Variants in MDFIC2 observed in about 807,000 individuals in gnomAD.
MDFIC2 encodes MyoD family inhibitor domain containing 2.
chr3:70,255,070 G>A (rs1189556464), intron 2 of MDFIC2, among the ~76,000 whole-genome samples: 3 of 152,110 alleles, frequency 2.0e-5, no homozygotes, highest in South Asian at 2.1e-4. Context: ...AGAGAGAAAC[G>A]CAGGTAAAAC....
intron 2 of MDFIC2, among the ~76,000 whole-genome samples, chr3:70,238,309 G>A (rs1481242328): frequency 6.6e-6 from 1 of 151,940 alleles, no homozygotes; most frequent in Admixed American, 6.6e-5. Context: ...TCTGCCATGT[G>A]TAAAAAGTCT....
intron 2 of MDFIC2, among the ~76,000 whole-genome samples, chr3:70,211,199 CT>C (rs1701341158): frequency 6.7e-6 from 1 of 149,852 alleles, no homozygotes. Context: ...TTTCCTTTTC[CT>C]TTCCCCCTTC....
chr3:70,227,673 C>A (rs539717607), intron 2 of MDFIC2, among the ~76,000 whole-genome samples: 6 of 152,306 alleles, frequency 3.9e-5, no homozygotes, highest in African/African-American at 1.2e-4. Flanking sequence ...TTAACAATTT[C>A]TACAGGCTTT....
At chr3:70,303,875 G>A (rs1349302040) in intron 2 of MDFIC2, among the ~76,000 whole-genome samples, 1 of 151,952 alleles carries the variant, frequency 6.6e-6, no homozygotes, top group Non-Finnish European at 1.5e-5. Context: ...TAGAGATGGA[G>A]TTTGACCATG....
At chr3:70,263,656 C>T (rs1575609776) in intron 2 of MDFIC2, among the ~76,000 whole-genome samples, 2 of 152,156 alleles carry the variant, frequency 1.3e-5, no homozygotes, top group African/African-American at 4.8e-5. Flanking sequence ...CAAGGGAGCC[C>T]TACGCAAATT....
chr3:70,198,604 C>T (rs1332679122), intron 3 of MDFIC2, among the ~76,000 whole-genome samples: 1 of 152,178 alleles, frequency 6.6e-6, no homozygotes, highest in Non-Finnish European at 1.5e-5. Context: ...TCTCCATCCT[C>T]TTTCTCTTAC....
At chr3:70,251,294 A>G (rs1701765571) in intron 2 of MDFIC2, among the ~76,000 whole-genome samples, 1 of 152,204 alleles carries the variant, frequency 6.6e-6, no homozygotes, top group Non-Finnish European at 1.5e-5. Context: ...CTCAATGTCC[A>G]GAAAGTAAAG....
At chr3:70,235,128 G>C (rs1441444849) in intron 2 of MDFIC2, among the ~76,000 whole-genome samples, 1 of 152,124 alleles carries the variant, frequency 6.6e-6, no homozygotes, top group East Asian at 1.9e-4. Flanking sequence ...GGAGAAGAAG[G>C]GGCCCTCTGT....
intron 2 of MDFIC2, among the ~76,000 whole-genome samples, chr3:70,214,991 T>C (rs1362400883): frequency 1.3e-5 from 2 of 152,266 alleles, no homozygotes; most frequent in East Asian, 1.9e-4. Flanking sequence ...TCATGCATGA[T>C]TGGTATTACA....
intron 2 of MDFIC2, among the ~76,000 whole-genome samples, chr3:70,296,504 A>G (rs1702290196): frequency 6.6e-6 from 1 of 152,170 alleles, no homozygotes. Context: ...TCCAAATAAG[A>G]TAATTTAAAA....
chr3:70,263,362 A>G (rs926416856), intron 2 of MDFIC2, among the ~76,000 whole-genome samples: 1 of 151,988 alleles, frequency 6.6e-6, no homozygotes, highest in Non-Finnish European at 1.5e-5. Flanking sequence ...TTTTAATTTT[A>G]TTTTAAAACT....
chr3:70,312,112 A>G (rs566440703), intron 1 of MDFIC2, 139 bp from the exon 2 acceptor site: 167 of 388,944 alleles, frequency 4.3e-4, no homozygotes, highest in African/African-American at 2.9e-3. Context: ...GTCCAATGTT[A>G]AGTCTTAACA....
intron 2 of MDFIC2, among the ~76,000 whole-genome samples, chr3:70,276,811 A>G (rs1194792692): frequency 6.6e-6 from 1 of 152,232 alleles, no homozygotes; most frequent in African/African-American, 2.4e-5. Context: ...TAAGCCAGAA[A>G]TATTTACTAT....
intron 2 of MDFIC2, among the ~76,000 whole-genome samples, chr3:70,242,430 G>A (rs931233372): frequency 6.6e-6 from 1 of 152,138 alleles, no homozygotes; most frequent in Non-Finnish European, 1.5e-5. Flanking sequence ...TTGAGAATAT[G>A]AAATCTCAGT....
At chr3:70,258,543 T>A (rs1701838541) in intron 2 of MDFIC2, among the ~76,000 whole-genome samples, 1 of 152,162 alleles carries the variant, frequency 6.6e-6, no homozygotes, top group African/African-American at 2.4e-5. Context: ...CTCATTTTTT[T>A]AAGTTAGTAT....
chr3:70,212,062 C>A (rs532781697), intron 2 of MDFIC2, among the ~76,000 whole-genome samples: 1 of 152,014 alleles, frequency 6.6e-6, no homozygotes, highest in African/African-American at 2.4e-5. Flanking sequence ...CCTTGAAGGC[C>A]GTATTTGTCC....
chr3:70,213,347 T>A (rs752132757), intron 2 of MDFIC2, among the ~76,000 whole-genome samples: 1 of 152,134 alleles, frequency 6.6e-6, no homozygotes, highest in Non-Finnish European at 1.5e-5. Context: ...GAAGAGTATA[T>A]GAAAATTATT....
intron 2 of MDFIC2, among the ~76,000 whole-genome samples, chr3:70,264,302 T>G (rs1054547772): frequency 1.3e-5 from 2 of 152,234 alleles, no homozygotes; most frequent in African/African-American, 4.8e-5. Flanking sequence ...TTTTGCAATT[T>G]GCCACAATGC....
At chr3:70,300,487 T>G (rs1293805832) in intron 2 of MDFIC2, among the ~76,000 whole-genome samples, 4 of 152,016 alleles carry the variant, frequency 2.6e-5, no homozygotes, top group African/African-American at 9.7e-5. Context: ...ATATGTGTAT[T>G]TTTCCAGCAA....
Sources: allele counts gnomAD v4.1 joint callset (sites outside exome capture counted in the v4.1 genomes callset), GRCh38; gene constraint gnomAD v4.1.1; transcripts MANE v1.5; gene names NCBI Gene and HGNC (gene_info 2026-07-23, HGNC 2026-07-21).